IL5RA: variants seen among roughly 807,000 people sequenced by gnomAD.
IL5RA encodes the protein interleukin-5 receptor subunit alpha.
Under a neutral mutation model 50.0 loss-of-function variants are expected in IL5RA, and 49 were observed. The observed-to-expected ratio is 0.98, with a 90% CI of 0.78 to 1.24. The LOEUF is 1.24. IL5RA is among the 50% of genes most tolerant of loss of function. IL5RA has a pLI of 0.00. For synonymous variants in IL5RA, 202 were observed against 174.0 expected (o/e 1.16, Z -1.26); for missense variants, 600 against 500.4 (o/e 1.20, Z -1.90).
intron 9 of IL5RA, among the ~76,000 whole-genome samples, chr3:3,079,932 G>A (rs1426422688): frequency 2.0e-5 from 3 of 152,120 alleles, no homozygotes; most frequent in African/African-American, 7.2e-5. Context: ...TACTAGGGAG[G>A]CTGAGGCAGG....
intron 9 of IL5RA, among the ~76,000 whole-genome samples, chr3:3,087,900 A>G (rs1383045150): frequency 6.6e-6 from 1 of 152,204 alleles, no homozygotes; most frequent in Non-Finnish European, 1.5e-5. Context: ...AATCATCTTG[A>G]TGAAAATGGA....
chr3:3,107,965 C>T (rs766181389), intron 2 of IL5RA, among the ~76,000 whole-genome samples: 1 of 152,064 alleles, frequency 6.6e-6, no homozygotes, highest in Non-Finnish European at 1.5e-5. Flanking sequence ...CTGGGGCGTT[C>T]GTTTTATAAC....
At chr3:3,074,963 G>T (rs1702427747) in intron 10 of IL5RA, 97 bp from the exon 11 acceptor site, 3 of 736,524 alleles carry the variant, frequency 4.1e-6, no homozygotes, top group South Asian at 3.4e-5. Flanking sequence ...TCTAGAACCT[G>T]CTGTTTTGTA....
At chr3:3,086,369 G>T (rs1016301851) in intron 9 of IL5RA, among the ~76,000 whole-genome samples, 2 of 152,172 alleles carry the variant, frequency 1.3e-5, no homozygotes, top group African/African-American at 2.4e-5. Context: ...GAAACAAAAG[G>T]TTTCGATAAA....
At chr3:3,093,131 C>A (rs148457959) in intron 8 of IL5RA, among the ~76,000 whole-genome samples, 1 of 152,246 alleles carries the variant, frequency 6.6e-6, no homozygotes, top group East Asian at 1.9e-4. Flanking sequence ...AAAAAAGAAG[C>A]CACTTCTTTA....
Position 3,102,770 on chromosome 3 carries a change from G to A in IL5RA, c.133C>T (p.Gln45Ter). ...TTTGGTTTCCATTGTAAAAGAACTT[G>A]AGCCAAACCAGTAACTTTAATGGTG... ...NFTIKVTGLAQVLLQWKPNPD... is the reference protein window; with the variant it reads ...NFTIKVTGLA The change falls in exon 4 of 12, where the codon CAA (glutamine) becomes TAA (stop). Residue 45 changes from glutamine to a stop codon, truncating the protein, a stop_gained. Coordinates refer to ENST00000446632, the MANE Select transcript of IL5RA (RefSeq NM_175726.4). LOFTEE classifies it high-confidence loss of function. 4 of 1,611,564 alleles carry A rather than the reference G, an allele frequency of 2.5e-6. No individual in the cohort carries two copies. The highest frequency in any genetic ancestry group is 2.5e-6 in the Non-Finnish European group (3 of 1,178,428).
intron 9 of IL5RA, chr3:3,091,883 A>G: frequency 1.6e-6 from 1 of 614,454 alleles, no homozygotes. Context: ...AAAGAGACAC[A>G]GGATCTCTAT....
intron 9 of IL5RA, among the ~76,000 whole-genome samples, chr3:3,091,028 C>T (rs551452954): frequency 3.3e-5 from 5 of 152,232 alleles, no homozygotes; most frequent in East Asian, 3.9e-4. Context: ...CTGACAGAGA[C>T]GATGCCCATC....
At chr3:3,087,955 A>T (rs1266079008) in intron 9 of IL5RA, among the ~76,000 whole-genome samples, 4 of 152,190 alleles carry the variant, frequency 2.6e-5, no homozygotes, top group Admixed American at 1.3e-4. Context: ...AACTGAGCAG[A>T]GGAGTAAATT....
intron 8 of IL5RA, among the ~76,000 whole-genome samples, chr3:3,093,521 T>C (rs1388070521): frequency 1.3e-5 from 2 of 152,240 alleles, no homozygotes; most frequent in African/African-American, 2.4e-5. Flanking sequence ...CACCAATCTA[T>C]GGTAGATTAG....
intron 9 of IL5RA, among the ~76,000 whole-genome samples, chr3:3,084,590 C>T (rs906292791): frequency 1.3e-5 from 2 of 152,230 alleles, no homozygotes; most frequent in African/African-American, 4.8e-5. Flanking sequence ...GCAGAGCTTC[C>T]TGCTTGCACA....
At position 3,098,140 on chromosome 3, in the gene IL5RA, T is replaced by C. The variant is rs1703452125; in HGVS notation, c.518A>G (p.Tyr173Cys). ...TAAAAATAGGTACAGTACTAACCTA[T>C]AGTAGAGAAAATACTGCGTGTCCTC... is the stretch of plus-strand genomic sequence containing the variant. ...APEDTQYFLY[Y>C]RYGSWTEECQ... The change falls in exon 6 of 12, where the codon TAT (tyrosine) becomes TGT (cysteine). Residue 173 changes from tyrosine to cysteine, a missense_variant. Tyr to Cys is a radical substitution (Grantham distance 194). Transcript: ENST00000446632. The C allele has an allele frequency of 1.1e-5, 18 of 1,614,164 alleles. No homozygotes were observed. Among genetic ancestry groups the C allele is most frequent in the Non-Finnish European group, 1.4e-5 (17 of 1,180,022 alleles).
At position 3,098,226 on chromosome 3, in the gene IL5RA, T is replaced by C. The variant is rs141948767; in HGVS notation, c.432A>G (p.Ser144=). ...GGGAAACTTGGTATGACCTTAAACG[T>C]GAATAATTGTCTTCTGTAGTGTTTG... The part of the protein sequence containing the change: ...CTTNTTEDNY[S]RLRSYQVSLH... Residue 144 remains serine, a synonymous_variant, in exon 6 of 12, where the codon TCA becomes TCG. Transcript: ENST00000446632. The C allele has an allele frequency of 3.1e-3, 4,929 of 1,614,026 alleles. 13 individuals carry two copies. Among genetic ancestry groups the C allele is most frequent in the Non-Finnish European group, 4.0e-3 (4,689 of 1,179,888 alleles).
intron 9 of IL5RA, among the ~76,000 whole-genome samples, chr3:3,080,877 G>T (rs1224728626): frequency 6.6e-6 from 1 of 152,104 alleles, no homozygotes; most frequent in Non-Finnish European, 1.5e-5. Context: ...AAAATCTTTT[G>T]TAGAGATGGG....
rs772608333 is a variant in IL5RA, at chr3:3,076,641, A to G, written c.995-14T>C. The G allele has an allele frequency of 6.6e-7, 1 of 1,518,928 alleles. No individual in the cohort carries two copies. Among genetic ancestry groups the G allele is most frequent in the Non-Finnish European group, 9.1e-7 (1 of 1,099,356 alleles). The allele number at this position is 1,518,928 out of a possible 1,614,324, so 94.1% of individuals were successfully genotyped here. ...GTTCATCATTTCCTGGTGGAAAACA[A>G]AAAAGAAACAAAAAAATATAAAGTC... is the stretch of plus-strand genomic sequence containing the variant. On this transcript the variant is annotated splice_polypyrimidine_tract_variant and intron_variant, in intron 9 of 11. Transcript: ENST00000446632.
chr3:3,097,112 G>A (rs1703401547), intron 7 of IL5RA, among the ~76,000 whole-genome samples: 1 of 152,244 alleles, frequency 6.6e-6, no homozygotes, highest in Non-Finnish European at 1.5e-5. Context: ...AATGCCATGT[G>A]AGAGCGCCTG....
intron 9 of IL5RA, among the ~76,000 whole-genome samples, chr3:3,084,499 C>T (rs1208280550): frequency 1.3e-5 from 2 of 152,176 alleles, no homozygotes; most frequent in East Asian, 1.9e-4. Flanking sequence ...TGGACAGGAA[C>T]ATTTAGACAA....
At chr3:3,095,495 A>G in intron 7 of IL5RA, 51 bp from the exon 8 acceptor site, 1 of 1,443,600 alleles carries the variant, frequency 6.9e-7, no homozygotes. Flanking sequence ...ATCAGTGATC[A>G]AAGCTGATAA....
At chr3:3,094,518 C>G (rs1466817737) in intron 8 of IL5RA, among the ~76,000 whole-genome samples, 4 of 152,080 alleles carry the variant, frequency 2.6e-5, no homozygotes, top group African/African-American at 4.8e-5. Context: ...TTAATGGGCA[C>G]TTGGGTTGCT....
Sources: allele counts gnomAD v4.1 joint callset (sites outside exome capture counted in the v4.1 genomes callset), GRCh38; gene constraint gnomAD v4.1.1; transcripts MANE v1.5; gene names NCBI Gene and HGNC (gene_info 2026-07-23, HGNC 2026-07-21).